The following ADGRA1 variants were observed in gnomAD, a reference collection of about 807,000 sequenced individuals.
ADGRA1 encodes adhesion G protein-coupled receptor A1, also known as G-protein coupled receptor 123.
A neutral mutation model predicts 21.3 loss-of-function variants in ADGRA1; 12 were observed. That is an observed-to-expected ratio of 0.56 (90% CI 0.36 to 0.91). The LOEUF (loss-of-function observed/expected upper bound fraction) is 0.91, where lower values mean the gene tolerates loss of function less well. Ranked by LOEUF, ADGRA1 falls within the 40% of genes least tolerant of loss-of-function variation. ADGRA1 has a pLI of 0.01. For synonymous variants in ADGRA1, 385 were observed against 368.8 expected (o/e 1.04, Z -0.50); for missense variants, 790 against 805.6 (o/e 0.98, Z 0.23).
At position 133,128,573 on chromosome 10, in the gene ADGRA1, G is replaced by A. The variant is rs1050948945; in HGVS notation, c.745G>A (p.Glu249Lys). ...DAPGASVLQN[E>K]HSFQAQLRAA... ...CCCCGGCGCCTCCGTGCTGCAGAAC[G>A]AGCACTCATTCCAGGCACAGCTGCG... is the stretch of plus-strand genomic sequence containing the variant. Residue 249 changes from glutamate to lysine, a missense_variant, in exon 7 of 7, where the codon GAG becomes AAG. Transcript: ENST00000392607. The A allele has an allele frequency of 5.7e-6, 9 of 1,579,446 alleles. No homozygotes were observed. The highest frequency in any genetic ancestry group is 4.0e-5 in the African/African-American group (3 of 74,276).
intron 5 of ADGRA1, among the ~76,000 whole-genome samples, chr10:133,105,024 C>T (rs1430972007): frequency 1.3e-5 from 2 of 152,224 alleles, no homozygotes; most frequent in Non-Finnish European, 2.9e-5. Context: ...CAGGAAACCT[C>T]CTCATCAGAG....
intron 2 of ADGRA1, among the ~76,000 whole-genome samples, chr10:133,089,400 G>A (rs1420484005): frequency 1.3e-5 from 2 of 152,224 alleles, no homozygotes; most frequent in African/African-American, 4.8e-5. Flanking sequence ...AGGCGGCCGC[G>A]CACACGGCAG....
At position 133,088,110 on chromosome 10, in the gene ADGRA1, C is replaced by A; in HGVS notation, c.-231C>A. ...TCTGTCTCCGGGAGCGCGGCCCGGCCGCCCCGGCAGCCGCTTCGGCCACAG... is the reference window on the plus strand; with the variant it reads ...TCTGTCTCCGGGAGCGCGGCCCGGCAGCCCCGGCAGCCGCTTCGGCCACAG... On this transcript the variant is annotated 5_prime_UTR_variant, in exon 1 of 7. Transcript: ENST00000392607. The A allele has an allele frequency of 6.1e-6, 6 of 985,018 alleles. No homozygotes were observed. Among genetic ancestry groups the A allele is most frequent in the Non-Finnish European group, 7.2e-6 (6 of 829,706 alleles). The allele number at this position is 985,018 out of a possible 1,614,324, so 61.0% of individuals were successfully genotyped here.
At position 133,119,575 on chromosome 10, in the gene ADGRA1, C is replaced by T. The variant is rs145322029; in HGVS notation, c.402-7658C>T. ...GTCAACTCAGTGTATGAAATAGTCT[C>T]AATCCTTTGTTGTCATTTCAGTAAT... On this transcript the variant is annotated intron_variant, in intron 5 of 6. Coordinates refer to ENST00000392607, the MANE Select transcript of ADGRA1 (RefSeq NM_001083909.3). Among the ~76,000 whole-genome samples, 5 of 152,328 alleles carry T rather than the reference C, an allele frequency of 3.3e-5. No individual in the cohort carries two copies. In the East Asian group the frequency reaches 9.6e-4, roughly 29 times the overall value.
In ADGRA1 at chr10:133,101,677, A is replaced by C. The variant is rs1305159552; in HGVS notation, c.256-1020A>C. Among the ~76,000 whole-genome samples, 2 of 152,132 alleles carry C rather than the reference A, an allele frequency of 1.3e-5. 1 individual carries two copies. Among genetic ancestry groups the C allele is most frequent in the East Asian group, 3.9e-4 (2 of 5,182 alleles). On this transcript the variant is annotated intron_variant, in intron 4 of 6. Transcript: ENST00000392607. Reference sequence around the variant, plus strand: ...GGCTGCCTCTGCCCTACTCCTCGACACGGTGCCCCATGGTTTCCAGGCCTC... The same window carrying C: ...GGCTGCCTCTGCCCTACTCCTCGACCCGGTGCCCCATGGTTTCCAGGCCTC...
intron 5 of ADGRA1, among the ~76,000 whole-genome samples, chr10:133,112,742 T>TGTGG (rs1852075664): frequency 2.7e-5 from 4 of 149,224 alleles, no homozygotes; most frequent in African/African-American, 7.4e-5. Flanking sequence ...ATTTGAGGTC[T>TGTGG]GCGGGCCGCG....
At chr10:133,101,679 G>A (rs745682631) in intron 4 of ADGRA1, among the ~76,000 whole-genome samples, 7 of 152,290 alleles carry the variant, frequency 4.6e-5, no homozygotes, top group South Asian at 4.1e-4. Flanking sequence ...TCCTCGACAC[G>A]GTGCCCCATG....
chr10:133,119,109 A>G (rs565616768), intron 5 of ADGRA1, among the ~76,000 whole-genome samples: 1 of 152,300 alleles, frequency 6.6e-6, no homozygotes, highest in East Asian at 1.9e-4. Context: ...ACTTGCACGC[A>G]CACCCGCAAA....
At position 133,102,843 on chromosome 10, in the gene ADGRA1, G is replaced by C. The variant is rs773406136; in HGVS notation, c.401+1G>C. The C allele has an allele frequency of 6.2e-7, 1 of 1,606,926 alleles. No individual in the cohort carries two copies. ...CGTACCCCAGGCAGCCCCTGCTCAGGTACTGAGTGCACATGGGCGCGAGGC... is the reference window on the plus strand; with the variant it reads ...CGTACCCCAGGCAGCCCCTGCTCAGCTACTGAGTGCACATGGGCGCGAGGC... On this transcript the variant is annotated splice_donor_variant, in intron 5 of 6. Transcript: ENST00000392607. LOFTEE classifies it high-confidence loss of function.
At chr10:133,127,073 TGGTCGGGGGTCGGG>T (rs578214380) in intron 5 of ADGRA1, among the ~76,000 whole-genome samples, 146 bp from the exon 6 acceptor site, 4,146 of 130,802 alleles carry the variant, frequency 0.032, 98 homozygotes, top group Middle Eastern at 0.094. Context: ...GCTCGGTCAG[TGGTCGGGGGTCGGG>T]GGTCGGGGGT....
chr10:133,110,491 C>G (rs1204268270), intron 5 of ADGRA1, among the ~76,000 whole-genome samples: 1 of 152,252 alleles, frequency 6.6e-6, no homozygotes. Context: ...GACCCAGGCA[C>G]CTGCCACGCC....
chr10:133,121,645 G>T (rs1257722878), intron 5 of ADGRA1, among the ~76,000 whole-genome samples: 2 of 150,704 alleles, frequency 1.3e-5, no homozygotes, highest in African/African-American at 2.5e-5. Flanking sequence ...CAGTGTGCGT[G>T]TGCATGTGTG....
intron 5 of ADGRA1, among the ~76,000 whole-genome samples, chr10:133,114,017 C>G (rs146642116): frequency 2.0e-5 from 3 of 152,348 alleles, no homozygotes; most frequent in African/African-American, 7.2e-5. Flanking sequence ...CTTTGGCGGT[C>G]CCCTGACTCT....
intron 2 of ADGRA1, among the ~76,000 whole-genome samples, chr10:133,089,780 A>G (rs955835895): frequency 3.9e-5 from 6 of 152,202 alleles, no homozygotes; most frequent in Non-Finnish European, 5.9e-5. Context: ...AGCAAGAGAG[A>G]TGCCTTTGCC....
intron 4 of ADGRA1, among the ~76,000 whole-genome samples, chr10:133,101,723 T>A (rs1851798714): frequency 6.6e-6 from 1 of 152,134 alleles, no homozygotes; most frequent in African/African-American, 2.4e-5. Context: ...CCAGGCTGCA[T>A]GAGGCCTAGG....
Position 133,129,068 on chromosome 10 carries a change from C to T in ADGRA1, c.1240C>T (p.His414Tyr). Residue 414 changes from histidine to tyrosine, a missense_variant, in exon 7 of 7, where the codon CAC becomes TAC. Coordinates refer to ENST00000392607, the MANE Select transcript of ADGRA1 (RefSeq NM_001083909.3). ...CGCCTTCGGGCACGACCCCCACCTG[C>T]ACGGGTGCCTTCAGGGCAGAACTAA... ...EGAFGHDPHL[H>Y]GCLQGRTKPP... is the part of the protein sequence containing the mutation. 2 of 1,551,668 alleles carry T rather than the reference C, an allele frequency of 1.3e-6. No homozygotes were observed. Among genetic ancestry groups the T allele is most frequent in the Non-Finnish European group, 1.7e-6 (2 of 1,146,386 alleles).
intron 5 of ADGRA1, among the ~76,000 whole-genome samples, chr10:133,123,463 T>C (rs1159554082): frequency 6.6e-6 from 1 of 152,072 alleles, no homozygotes; most frequent in Non-Finnish European, 1.5e-5. Flanking sequence ...TCATGCCACA[T>C]CCACACCATG....
chr10:133,128,496 C>T lies in ADGRA1; in HGVS notation c.668C>T (p.Thr223Ile). Residue 223 changes from threonine to isoleucine, a missense_variant, in exon 7 of 7, where the codon ACA becomes ATA. This residue lies in a region of ADGRA1 where 382 missense variants were observed against 415.6 expected (regional missense o/e 0.92). Transcript: ENST00000392607. ...TQPEEQRRLA[T>I]PEGGRGIRPG... ...CCCGAGGAGCAGCGGCGGCTGGCGA[C>T]ACCCGAGGGCGGCCGTGGGATCCGG... The T allele has an allele frequency of 6.4e-7, 1 of 1,553,906 alleles. No individual in the cohort carries two copies. The highest frequency in any genetic ancestry group is 1.2e-5 in the South Asian group (1 of 85,284).
intron 2 of ADGRA1, among the ~76,000 whole-genome samples, chr10:133,094,009 T>C (rs184279495): frequency 2.0e-5 from 3 of 152,406 alleles, no homozygotes; most frequent in Non-Finnish European, 4.4e-5. Flanking sequence ...CTGTTTCTTA[T>C]AAAACATCTT....
Sources: gnomAD v4.1 joint callset for allele counts (sites outside exome capture counted in the v4.1 genomes callset) on GRCh38, gnomAD v4.1.1 for gene constraint, gnomAD v4.1.1 regional missense constraint, MANE v1.5 for transcripts, NCBI Gene and HGNC (gene_info 2026-07-23, HGNC 2026-07-21) for gene names.